Variants in NIBAN1 observed in about 807,000 individuals in gnomAD.
NIBAN1 encodes the protein niban apoptosis regulator 1, also known as protein Niban 1.
A neutral mutation model predicts 75.1 loss-of-function variants in NIBAN1; 81 were observed. The ratio of observed to expected loss-of-function variants is 1.08; its 90% CI spans 0.90 to 1.30. The LOEUF is 1.30. Among genes scored for constraint, NIBAN1 ranks in the 50% most tolerant of loss-of-function variants. NIBAN1 has a pLI of 0.00. For synonymous variants in NIBAN1, 436 were observed against 424.8 expected, an observed-to-expected ratio of 1.03 and a Z score of -0.32; for missense variants, 1,133 against 1,128.1, an observed-to-expected ratio of 1.00 and a Z score of -0.06.
At chr1:184,875,520 C>T (rs1045774697) in intron 5 of NIBAN1, among the ~76,000 whole-genome samples, 1 of 152,214 alleles carries the variant, frequency 6.6e-6, no homozygotes, top group Non-Finnish European at 1.5e-5. Flanking sequence ...CGACTAGGTT[C>T]TCCCAAATAA....
At chr1:184,927,639 T>G (rs1411154776) in intron 1 of NIBAN1, among the ~76,000 whole-genome samples, 1 of 152,126 alleles carries the variant, frequency 6.6e-6, no homozygotes, top group Non-Finnish European at 1.5e-5. Context: ...CCAAGGCCTG[T>G]GATAACCACT....
chr1:184,922,344 T>C (rs979933721), intron 1 of NIBAN1, among the ~76,000 whole-genome samples: 1 of 152,160 alleles, frequency 6.6e-6, no homozygotes, highest in African/African-American at 2.4e-5. Flanking sequence ...TCTTATTCAT[T>C]CTATCTAACT....
At chr1:184,838,898 C>T (rs1274975200) in intron 5 of NIBAN1, among the ~76,000 whole-genome samples, 4 of 152,174 alleles carry the variant, frequency 2.6e-5, no homozygotes, top group African/African-American at 9.7e-5. Context: ...TATGTAACAG[C>T]ATTACTCACT....
At chr1:184,959,053 T>C (rs1045619795) in intron 1 of NIBAN1, among the ~76,000 whole-genome samples, 1 of 152,228 alleles carries the variant, frequency 6.6e-6, no homozygotes, top group East Asian at 1.9e-4. Flanking sequence ...TCATGGAAAT[T>C]GTCACTTGTT....
At chr1:184,952,164 G>A (rs1012248311) in intron 1 of NIBAN1, among the ~76,000 whole-genome samples, 5 of 152,240 alleles carry the variant, frequency 3.3e-5, no homozygotes, top group Non-Finnish European at 5.9e-5. Flanking sequence ...ACTTTGGGAA[G>A]CCAAGGTGGG....
At chr1:184,951,358 G>A (rs1414463492) in intron 1 of NIBAN1, among the ~76,000 whole-genome samples, 1 of 152,186 alleles carries the variant, frequency 6.6e-6, no homozygotes, top group African/African-American at 2.4e-5. Context: ...CATCTGCTTA[G>A]CTGACATCTC....
intron 6 of NIBAN1, among the ~76,000 whole-genome samples, chr1:184,824,224 C>T (rs1654783502): frequency 1.3e-5 from 2 of 152,224 alleles, no homozygotes; most frequent in South Asian, 4.2e-4. Context: ...CTCTTCGTCC[C>T]CACTGTCCCC....
At chr1:184,860,660 ACAATAC>A (rs1390060915) in intron 5 of NIBAN1, among the ~76,000 whole-genome samples, 1 of 152,222 alleles carries the variant, frequency 6.6e-6, no homozygotes, top group Non-Finnish European at 1.5e-5. Flanking sequence ...ATGGGCACTG[ACAATAC>A]CTCTGTCCCA....
At chr1:184,804,021 C>T (rs1157991177) in intron 11 of NIBAN1, among the ~76,000 whole-genome samples, 1 of 152,178 alleles carries the variant, frequency 6.6e-6, no homozygotes, top group Non-Finnish European at 1.5e-5. Flanking sequence ...CAGGTAGGTC[C>T]ATGGAAACCA....
chr1:184,967,204 C>T (rs1179532778), intron 1 of NIBAN1, among the ~76,000 whole-genome samples: 3 of 147,212 alleles, frequency 2.0e-5, no homozygotes, highest in Non-Finnish European at 4.5e-5. Context: ...TCTTTCCCTC[C>T]CTCTCTCTCT....
intron 4 of NIBAN1, among the ~76,000 whole-genome samples, chr1:184,885,940 T>C (rs1656513403): frequency 6.6e-6 from 1 of 152,188 alleles, no homozygotes; most frequent in South Asian, 2.1e-4. Flanking sequence ...GTTCCTCTGC[T>C]GACTCTCTCC....
chr1:184,860,995 A>C (rs1303027717), intron 5 of NIBAN1, among the ~76,000 whole-genome samples: 1 of 152,260 alleles, frequency 6.6e-6, no homozygotes, highest in Non-Finnish European at 1.5e-5. Context: ...GGATCAAATG[A>C]AATATTGTAG....
chr1:184,929,088 C>T (rs1156907718), intron 1 of NIBAN1, among the ~76,000 whole-genome samples: 7 of 152,150 alleles, frequency 4.6e-5, no homozygotes, highest in Non-Finnish European at 1.0e-4. Flanking sequence ...AGTTTCATTA[C>T]ATTTGGCTTT....
Position 184,884,743 on chromosome 1 carries a change from A to G in NIBAN1, c.491T>C (p.Val164Ala). The change falls in exon 5 of 14, where the codon GTG (valine) becomes GCG (alanine). Residue 164 changes from valine to alanine, a missense_variant. Transcript: ENST00000367511. ...TCTGAAGAAGGGCTGCCACAGGTAC[A>G]CTGGGAATTCCTTGGGCAGGACCAC... ...PFVVLPKEFP[V>A]YLWQPFFRHG... 5 of 1,614,206 alleles carry G rather than the reference A, an allele frequency of 3.1e-6. No individual in the cohort carries two copies. Among genetic ancestry groups the G allele is most frequent in the Non-Finnish European group, 4.2e-6 (5 of 1,180,004 alleles).
At chr1:184,874,806 AAAGT>A (rs1399947819) in intron 5 of NIBAN1, among the ~76,000 whole-genome samples, 11 of 152,164 alleles carry the variant, frequency 7.2e-5, no homozygotes, top group African/African-American at 2.4e-4. Flanking sequence ...AATAAAAACA[AAAGT>A]AAGGATATAG....
At chr1:184,835,343 T>C (rs538147261) in intron 5 of NIBAN1, among the ~76,000 whole-genome samples, 2 of 152,224 alleles carry the variant, frequency 1.3e-5, no homozygotes, top group Non-Finnish European at 2.9e-5. Context: ...TTTGGTTCCA[T>C]ATGAACTTTA....
intron 8 of NIBAN1, among the ~76,000 whole-genome samples, chr1:184,819,242 A>C (rs1438073920): frequency 6.6e-6 from 1 of 152,090 alleles, no homozygotes; most frequent in Non-Finnish European, 1.5e-5. Flanking sequence ...CACTCAGTAT[A>C]ATTCCATCCT....
intron 5 of NIBAN1, among the ~76,000 whole-genome samples, chr1:184,880,669 C>T (rs1656353824): frequency 6.6e-6 from 1 of 152,226 alleles, no homozygotes; most frequent in African/African-American, 2.4e-5. Flanking sequence ...AACAGACTTG[C>T]ATCGATAATG....
At chr1:184,802,624 T>A (rs1025938639) in intron 12 of NIBAN1, among the ~76,000 whole-genome samples, 2 of 152,190 alleles carry the variant, frequency 1.3e-5, no homozygotes, top group African/African-American at 4.8e-5. Flanking sequence ...AAATGACCAA[T>A]GACATGTTGC....
Sources: allele counts gnomAD v4.1 joint callset (sites outside exome capture counted in the v4.1 genomes callset), GRCh38; gene constraint gnomAD v4.1.1; transcripts MANE v1.5; gene names NCBI Gene and HGNC (gene_info 2026-07-23, HGNC 2026-07-21).